ATG3: variants seen among roughly 807,000 people sequenced by gnomAD.
The protein encoded by ATG3 is autophagy related 3.
A neutral mutation model predicts 50.7 loss-of-function variants in ATG3; 25 were observed. That is an observed-to-expected ratio of 0.49 (90% CI 0.36 to 0.69). The LOEUF is 0.69. Among genes scored for constraint, ATG3 ranks in the 30% least tolerant of loss-of-function variants. The pLI is 0.00. For missense variants in ATG3, 281 were observed against 376.0 expected (o/e 0.75, Z 2.09); for synonymous variants, 119 against 125.5 (o/e 0.95, Z 0.34).
intron 2 of ATG3, among the ~76,000 whole-genome samples, chr3:112,557,333 C>A (rs1415793586): frequency 6.6e-6 from 1 of 151,128 alleles, no homozygotes; most frequent in African/African-American, 2.4e-5. Flanking sequence ...AGCACAGAAA[C>A]CATTCTTAAA....
intron 2 of ATG3, among the ~76,000 whole-genome samples, chr3:112,556,071 C>T (rs1933661929): frequency 2.1e-5 from 3 of 142,462 alleles, no homozygotes; most frequent in Admixed American, 2.0e-4. Context: ...GTTCAAATTA[C>T]ACCTCTGTTT....
intron 10 of ATG3, 189 bp downstream of exon 10, chr3:112,536,286 G>C (rs1042924770): frequency 2.1e-4 from 126 of 595,834 alleles, no homozygotes; most frequent in Non-Finnish European, 2.9e-4. Flanking sequence ...AAAACAAATT[G>C]GTAAGTTTTT....
chr3:112,549,635 C>T (rs1043804961), intron 4 of ATG3, among the ~76,000 whole-genome samples: 1 of 151,882 alleles, frequency 6.6e-6, no homozygotes, highest in Non-Finnish European at 1.5e-5. Context: ...ATGGCAAAAC[C>T]CTGTCTCTAC....
intron 2 of ATG3, among the ~76,000 whole-genome samples, chr3:112,556,267 G>T: frequency 6.6e-6 from 1 of 152,374 alleles, no homozygotes; most frequent in East Asian, 1.9e-4. Context: ...AGAAATTACC[G>T]TCCCGTCCGG....
At chr3:112,552,648 A>ATTT (rs1559847786) in intron 3 of ATG3, among the ~76,000 whole-genome samples, 3 of 149,902 alleles carry the variant, frequency 2.0e-5, no homozygotes, top group African/African-American at 4.9e-5. Context: ...CCTGTTCAAA[A>ATTT]ATTTTTTTTT....
chr3:112,542,277 TA>T (rs1933253071), intron 6 of ATG3, among the ~76,000 whole-genome samples: 1 of 152,168 alleles, frequency 6.6e-6, no homozygotes, highest in Non-Finnish European at 1.5e-5. Flanking sequence ...AAATATAAGC[TA>T]AAATATAAAT....
chr3:112,541,173 G>A (rs192293914), intron 7 of ATG3, among the ~76,000 whole-genome samples: 32 of 152,194 alleles, frequency 2.1e-4, no homozygotes, highest in Admixed American at 2.1e-3. Flanking sequence ...GCGATCATGA[G>A]GTTAAGAGAT....
At chr3:112,548,257 C>A (rs768328149) in intron 5 of ATG3, among the ~76,000 whole-genome samples, 2 of 152,148 alleles carry the variant, frequency 1.3e-5, no homozygotes, top group African/African-American at 4.8e-5. Context: ...GAGGCTGAGG[C>A]AGGAGAATCG....
intron 7 of ATG3, chr3:112,538,391 T>A: frequency 1.9e-6 from 1 of 515,538 alleles, no homozygotes; most frequent in Non-Finnish European, 3.5e-6. Context: ...AGGCTTGACA[T>A]AATAATACTG....
In ATG3 at chr3:112,561,340, G is replaced by A. The variant is rs111946756; in HGVS notation, c.72+117C>T. 413 of 1,036,462 alleles carry A rather than the reference G, an allele frequency of 4.0e-4. 2 individuals are homozygous for A. The African/African-American group carries it at 5.2e-3, about 13-fold the overall frequency. 64.2% of individuals were successfully genotyped at this position (1,036,462 alleles called of 1,614,324 possible). Reference sequence around the variant, plus strand: ...GGCTGCACACTTCCCTGTGTCTCGAGCCCTACTGCCTTCCTACACCTTGCC... The same window carrying A: ...GGCTGCACACTTCCCTGTGTCTCGAACCCTACTGCCTTCCTACACCTTGCC... On this transcript the variant is annotated intron_variant, in intron 1 of 11. Transcript: ENST00000283290.
intron 10 of ATG3, chr3:112,535,000 TAAG>T (rs1243322946): frequency 2.6e-5 from 4 of 151,744 alleles, no homozygotes; most frequent in South Asian, 2.1e-4. Flanking sequence ...TTTTGGCTTA[TAAG>T]AAGAAAGGTA....
rs551239054 is a variant in ATG3, at chr3:112,533,163, T to C, written c.864-383A>G. ...CAGAATAGACTATAATGAAGTACTA[T>C]AGCAAAAGAGAAAAAAATTAAATAA... On this transcript the variant is annotated intron_variant, in intron 11 of 11. Transcript: ENST00000283290. 38 of 986,498 alleles carry C rather than the reference T, an allele frequency of 3.9e-5. No homozygotes were observed. In the East Asian group the frequency reaches 2.1e-3, roughly 56 times the overall value. The allele number at this position is 986,498 out of a possible 1,614,324, so 61.1% of individuals were successfully genotyped here.
intron 5 of ATG3, among the ~76,000 whole-genome samples, chr3:112,547,740 T>C (rs893559052): frequency 3.9e-5 from 6 of 152,264 alleles, no homozygotes; most frequent in Non-Finnish European, 8.8e-5. Context: ...CTGTGATAGA[T>C]ACTGAGAATT....
In ATG3 at chr3:112,561,684, G is replaced by A. The variant is rs1032501519; in HGVS notation, c.-156C>T. The A allele has an allele frequency of 4.2e-6, 3 of 717,092 alleles. No homozygotes were observed. The highest frequency in any genetic ancestry group is 3.1e-5 in the Admixed American group (1 of 32,568). The allele number at this position is 717,092 out of a possible 1,614,324, so 44.4% of individuals were successfully genotyped here. On this transcript the variant is annotated 5_prime_UTR_variant, in exon 1 of 12. Coordinates refer to ENST00000283290, the MANE Select transcript of ATG3 (RefSeq NM_022488.5). ...CGGGACGCGACGCGACGGGACGGGC[G>A]GGACGAGGGGGCGGGGCGGCAGGCA...
At chr3:112,559,560 G>A (rs931168700) in intron 1 of ATG3, among the ~76,000 whole-genome samples, 3 of 152,190 alleles carry the variant, frequency 2.0e-5, no homozygotes, top group Non-Finnish European at 2.9e-5. Flanking sequence ...GGGAGAGATG[G>A]CCATTTAAAA....
chr3:112,544,029 T>C (rs375410608), intron 6 of ATG3, 28 bp downstream of exon 6: 1 of 1,525,554 alleles, frequency 6.6e-7, no homozygotes, highest in Non-Finnish European at 9.1e-7. Flanking sequence ...ACTCATTAAA[T>C]TTAAAAATAT....
intron 4 of ATG3, among the ~76,000 whole-genome samples, chr3:112,548,908 G>C (rs1472854079): frequency 6.6e-6 from 1 of 152,144 alleles, no homozygotes; most frequent in African/African-American, 2.4e-5. Flanking sequence ...TTACCATGAT[G>C]GTCTGTGAAG....
intron 5 of ATG3, among the ~76,000 whole-genome samples, chr3:112,546,167 C>T (rs1333055437): frequency 6.7e-6 from 1 of 150,148 alleles, no homozygotes. Context: ...AAAACAACAA[C>T]AACAAACAAA....
At chr3:112,556,790 T>C (rs1933694779) in intron 2 of ATG3, among the ~76,000 whole-genome samples, 1 of 152,002 alleles carries the variant, frequency 6.6e-6, no homozygotes, top group African/African-American at 2.4e-5. Flanking sequence ...TTAAGGGTGG[T>C]GCAAGATGTG....
Sources: allele counts gnomAD v4.1 joint callset (sites outside exome capture counted in the v4.1 genomes callset), GRCh38; gene constraint gnomAD v4.1.1; transcripts MANE v1.5; gene names NCBI Gene and HGNC (gene_info 2026-07-23, HGNC 2026-07-21).